Variants in SNX29 observed in about 807,000 individuals in gnomAD.
The protein encoded by SNX29 is sorting nexin 29, also known as sorting nexin-29.
In SNX29, 78 loss-of-function variants were observed where a neutral mutation model predicts 102.1. That is an observed-to-expected ratio of 0.76 (90% CI 0.64 to 0.92). The LOEUF is 0.92. SNX29 is among the 40% of genes least tolerant of loss of function. SNX29 has a pLI of 0.00. For synonymous variants in SNX29, 580 were observed against 414.5 expected, an observed-to-expected ratio of 1.40 and a Z score of -4.85; for missense variants, 1,280 against 1,061.7, an observed-to-expected ratio of 1.21 and a Z score of -2.86.
At chr16:12,244,544 C>T (rs960201755) in intron 14 of SNX29, among the ~76,000 whole-genome samples, 11 of 151,698 alleles carry the variant, frequency 7.3e-5, no homozygotes, top group Non-Finnish European at 7.4e-5. Flanking sequence ...TGGGAGGCAG[C>T]GGTTGCAGTG....
intron 20 of SNX29, among the ~76,000 whole-genome samples, chr16:12,562,506 C>T (rs1229230360): frequency 6.6e-6 from 1 of 152,184 alleles, no homozygotes; most frequent in Non-Finnish European, 1.5e-5. Context: ...TCGTGAGCAG[C>T]CCAAGTACAC....
intron 16 of SNX29, among the ~76,000 whole-genome samples, chr16:12,366,042 CAAAAA>C (rs55895030): frequency 0.015 from 1,117 of 72,440 alleles, 11 homozygotes; most frequent in African/African-American, 0.027. Flanking sequence ...ACTCTTGTCT[CAAAAA>C]AAAAAAAAAA....
intron 16 of SNX29, among the ~76,000 whole-genome samples, chr16:12,380,021 T>G (rs2083015051): frequency 6.6e-6 from 1 of 152,104 alleles, no homozygotes; most frequent in Non-Finnish European, 1.5e-5. Context: ...GTATATGACC[T>G]CTTGGTGTTT....
In SNX29 at chr16:12,573,467, C is replaced by G. The variant is rs369149120; in HGVS notation, c.*4838C>G. On this transcript the variant is annotated 3_prime_UTR_variant, in exon 21 of 21. Coordinates refer to ENST00000566228, the MANE Select transcript of SNX29 (RefSeq NM_032167.5). ...TTGAGCCTATGACATTAAGGAGCAG[C>G]GCTGCTGGCGGAAGATTCTAGATTC... 2 of 224,006 alleles carry G rather than the reference C, an allele frequency of 8.9e-6. No individual in the cohort carries two copies. Among genetic ancestry groups the G allele is most frequent in the South Asian group, 3.7e-4 (2 of 5,438 alleles). 13.9% of individuals were successfully genotyped at this position (224,006 alleles called of 1,614,324 possible).
chr16:12,373,794 T>C (rs2151390675), intron 16 of SNX29: 1 of 152,362 alleles, frequency 6.6e-6, no homozygotes, highest in African/African-American at 2.4e-5. Flanking sequence ...AAGCATTCTG[T>C]GCCTGCCCCA....
At chr16:12,477,991 G>A in intron 19 of SNX29, 132 bp downstream of exon 19, 3 of 1,109,446 alleles carry the variant, frequency 2.7e-6, no homozygotes, top group Non-Finnish European at 3.7e-6. Flanking sequence ...GAAAAAAATA[G>A]AGAAAAGAAA....
intron 15 of SNX29, among the ~76,000 whole-genome samples, chr16:12,349,543 T>C (rs1312043820): frequency 6.6e-6 from 1 of 152,218 alleles, no homozygotes. Flanking sequence ...GAAATGCTCA[T>C]TGGAGCATTT....
chr16:12,294,236 A>C (rs1001782087), intron 15 of SNX29, among the ~76,000 whole-genome samples: 2 of 152,176 alleles, frequency 1.3e-5, no homozygotes, highest in African/African-American at 4.8e-5. Flanking sequence ...TTATAGATCA[A>C]GTAGGGAGTT....
chr16:12,544,118 A>T (rs1641877), intron 20 of SNX29, among the ~76,000 whole-genome samples: 17,736 of 152,242 alleles, frequency 0.12, 1,339 homozygotes, highest in Non-Finnish European at 0.16. Flanking sequence ...GTTAAGGAAA[A>T]CAAGTCCATA....
chr16:12,000,551 G>A (rs2056251521), intron 2 of SNX29: 2 of 151,976 alleles, frequency 1.3e-5, no homozygotes, highest in Admixed American at 1.3e-4. Flanking sequence ...CTAGAGACAA[G>A]GTCTTGCTGT....
intron 15 of SNX29, among the ~76,000 whole-genome samples, chr16:12,316,555 A>G (rs183767620): frequency 6.6e-6 from 1 of 152,048 alleles, no homozygotes; most frequent in Non-Finnish European, 1.5e-5. Flanking sequence ...AAAACAACAA[A>G]AAAAGTCCTC....
At chr16:12,561,793 C>G (rs553586504) in intron 20 of SNX29, among the ~76,000 whole-genome samples, 36 of 152,282 alleles carry the variant, frequency 2.4e-4, no homozygotes, top group African/African-American at 8.2e-4. Flanking sequence ...CACGCGTGGC[C>G]TGGCAGGGGG....
chr16:12,097,647 T>G (rs2052825539), intron 11 of SNX29, among the ~76,000 whole-genome samples: 1 of 152,194 alleles, frequency 6.6e-6, no homozygotes, highest in Admixed American at 6.5e-5. Flanking sequence ...TTACAGACTT[T>G]CAGGAAGGGC....
At chr16:12,070,500 C>T (rs1386350542) in intron 10 of SNX29, among the ~76,000 whole-genome samples, 1 of 151,842 alleles carries the variant, frequency 6.6e-6, no homozygotes, top group African/African-American at 2.4e-5. Context: ...CTACAAAGGA[C>T]ATGAACTCAT....
chr16:12,543,884 C>T (rs537671074), intron 20 of SNX29, among the ~76,000 whole-genome samples: 10 of 152,208 alleles, frequency 6.6e-5, no homozygotes, highest in African/African-American at 2.2e-4. Flanking sequence ...ACTACAAGAG[C>T]TTGCGTATTC....
chr16:12,538,309 AG>A (rs1377974737), intron 20 of SNX29, among the ~76,000 whole-genome samples: 8 of 152,118 alleles, frequency 5.3e-5, no homozygotes, highest in Admixed American at 2.6e-4. Context: ...TTTAGTAGAG[AG>A]GGGGTTTCAC....
intron 15 of SNX29, among the ~76,000 whole-genome samples, chr16:12,327,237 C>T (rs1319256211): frequency 3.3e-5 from 5 of 152,204 alleles, no homozygotes; most frequent in African/African-American, 9.6e-5. Context: ...AGCTTCCTTT[C>T]TAGTGATGGG....
chr16:12,265,079 C>A (rs1379447615), intron 14 of SNX29, among the ~76,000 whole-genome samples: 1 of 152,170 alleles, frequency 6.6e-6, no homozygotes, highest in Non-Finnish European at 1.5e-5. Flanking sequence ...ATCCATGATA[C>A]CCTGTCCCTT....
chr16:12,431,833 T>A (rs568925084), intron 18 of SNX29, among the ~76,000 whole-genome samples: 27 of 152,222 alleles, frequency 1.8e-4, no homozygotes, highest in Non-Finnish European at 3.4e-4. Flanking sequence ...ACAAGCTGCT[T>A]TCTGAAGTCT....
Sources: gnomAD v4.1 joint callset for allele counts (sites outside exome capture counted in the v4.1 genomes callset) on GRCh38, gnomAD v4.1.1 for gene constraint, MANE v1.5 for transcripts, NCBI Gene and HGNC (gene_info 2026-07-23, HGNC 2026-07-21) for gene names.